SFXN4: variants seen among roughly 807,000 people sequenced by gnomAD.
The protein encoded by SFXN4 is sideroflexin-4.
Under a neutral mutation model 54.6 loss-of-function variants are expected in SFXN4, and 48 were observed. The ratio of observed to expected loss-of-function variants is 0.88; its 90% CI spans 0.70 to 1.12. The LOEUF is 1.12. Among genes scored for constraint, SFXN4 ranks in the 50% most tolerant of loss-of-function variants. The probability of loss-of-function intolerance (pLI) is 0.00; values close to 1 mark genes in which losing one functional copy is unlikely to be tolerated. For synonymous variants in SFXN4, 130 were observed against 145.5 expected, an observed-to-expected ratio of 0.89 and a Z score of 0.77; for missense variants, 383 against 409.2, an observed-to-expected ratio of 0.94 and a Z score of 0.55.
chr10:119,147,536 C>T (rs1389548260), intron 12 of SFXN4, among the ~76,000 whole-genome samples: 4 of 152,114 alleles, frequency 2.6e-5, no homozygotes, highest in Non-Finnish European at 4.4e-5. Flanking sequence ...TCCTTCGACA[C>T]GCCAAGGACA....
chr10:119,162,551 C>T, intron 2 of SFXN4, 137 bp from the exon 3 acceptor site: 1 of 679,848 alleles, frequency 1.5e-6, no homozygotes. Context: ...ACATGGTGCC[C>T]TAGGCTCTCT....
chr10:119,147,575 G>A (rs1259510086), intron 12 of SFXN4, among the ~76,000 whole-genome samples, 200 bp downstream of exon 12: 1 of 152,146 alleles, frequency 6.6e-6, no homozygotes, highest in East Asian at 1.9e-4. Context: ...AGCCTGGGCT[G>A]GATTCCCCAT....
chr10:119,143,898 G>T (rs181535844), intron 13 of SFXN4, among the ~76,000 whole-genome samples: 1 of 152,250 alleles, frequency 6.6e-6, no homozygotes, highest in Non-Finnish European at 1.5e-5. Flanking sequence ...TTACAGACAT[G>T]AGCCACCGTG....
chr10:119,147,353 C>T (rs944653595), intron 12 of SFXN4, among the ~76,000 whole-genome samples: 25 of 152,320 alleles, frequency 1.6e-4, no homozygotes, highest in Admixed American at 1.5e-3. Context: ...CCATTTCTGG[C>T]TTCTTAAAAG....
intron 5 of SFXN4, 72 bp downstream of exon 5, chr10:119,160,843 G>C: frequency 1.3e-6 from 2 of 1,489,640 alleles, no homozygotes; most frequent in Non-Finnish European, 1.9e-6. Context: ...CAGGTGATCC[G>C]GCAGGCAGAG....
chr10:119,144,025 T>C (rs1249503664), intron 13 of SFXN4, among the ~76,000 whole-genome samples: 2 of 152,166 alleles, frequency 1.3e-5, no homozygotes, highest in East Asian at 3.8e-4. Flanking sequence ...GCTGGCAAAG[T>C]TGCTTGAATG....
rs201378877 is a variant in SFXN4, at chr10:119,141,333, A to C, written c.937-14T>G. 1 of 1,490,832 alleles carries C rather than the reference A, an allele frequency of 6.7e-7. No homozygotes were observed. Among genetic ancestry groups the C allele is most frequent in the African/African-American group, 1.4e-5 (1 of 71,284 alleles). The allele number at this position is 1,490,832 out of a possible 1,614,324, so 92.4% of individuals were successfully genotyped here. On this transcript the variant is annotated splice_polypyrimidine_tract_variant and intron_variant, in intron 13 of 13. Coordinates refer to ENST00000355697, the MANE Select transcript of SFXN4 (RefSeq NM_213649.2). The stretch of plus-strand genomic sequence containing the variant: ...ACAGTACTGTATCTGAAAAATAGTT[A>C]AATTCATAATGTTTCTATTAATAGT...
intron 13 of SFXN4, among the ~76,000 whole-genome samples, chr10:119,145,919 C>T (rs1381772071): frequency 6.6e-6 from 1 of 152,066 alleles, no homozygotes; most frequent in African/African-American, 2.4e-5. Flanking sequence ...ATCTCCTGGG[C>T]CCAGGTGATC....
At chr10:119,142,457 T>A (rs1366076050) in intron 13 of SFXN4, among the ~76,000 whole-genome samples, 1 of 152,050 alleles carries the variant, frequency 6.6e-6, no homozygotes, top group Non-Finnish European at 1.5e-5. Flanking sequence ...AACTACTATG[T>A]CATTGTCACA....
At chr10:119,160,790 G>A in intron 5 of SFXN4, 125 bp downstream of exon 5, 1 of 927,604 alleles carries the variant, frequency 1.1e-6, no homozygotes, top group Non-Finnish European at 1.8e-6. Context: ...AGTAGAGACG[G>A]GGTTTCACCA....
chr10:119,143,028 G>A (rs11816612), intron 13 of SFXN4, among the ~76,000 whole-genome samples: 2,831 of 152,014 alleles, frequency 0.019, 80 homozygotes, highest in African/African-American at 0.064. Flanking sequence ...CACCACGCCC[G>A]GCCCCAACAG....
chr10:119,165,271 C>T (rs1847721543), intron 1 of SFXN4: 4 of 1,190,868 alleles, frequency 3.4e-6, no homozygotes, highest in Non-Finnish European at 4.2e-6. Context: ...GAGCAGCCAC[C>T]TGCGCGGACT....
At chr10:119,159,696 A>T (rs1238858126) in intron 6 of SFXN4, 32 bp downstream of exon 6, 1 of 1,612,368 alleles carries the variant, frequency 6.2e-7, no homozygotes, top group East Asian at 2.2e-5. Flanking sequence ...CCAAGCCCCT[A>T]GTCTCCTAAC....
intron 13 of SFXN4, among the ~76,000 whole-genome samples, chr10:119,145,347 T>C (rs1484381943): frequency 2.0e-5 from 3 of 146,756 alleles, no homozygotes; most frequent in Non-Finnish European, 3.0e-5. Flanking sequence ...AGAGTCTCAC[T>C]CTGTCACCCA....
chr10:119,164,135 G>T lies in SFXN4; in HGVS notation c.173C>A (p.Ser58Ter). 6.4e-7 allele frequency: 1 copy of T among 1,562,246 alleles called. No homozygotes were observed. The highest frequency in any genetic ancestry group is 1.2e-5 in the South Asian group (1 of 85,836). ...AGCTCTGAAAACAATACTTACAACTGAAATGAACACATTTGTAGGATCTAA... is the reference window on the plus strand; with the variant it reads ...AGCTCTGAAAACAATACTTACAACTTAAATGAACACATTTGTAGGATCTAA... ...ELLDPTNVFI[S>*]VESIENSRQL... is the part of the protein sequence containing the mutation. The change falls in exon 2 of 14, where the codon TCA becomes TAA. Residue 58 changes from serine to a stop codon, truncating the protein, a stop_gained. Coordinates refer to ENST00000355697, the MANE Select transcript of SFXN4 (RefSeq NM_213649.2). LOFTEE classifies it high-confidence loss of function.
chr10:119,156,956 G>C (rs1332025035), intron 9 of SFXN4, among the ~76,000 whole-genome samples, 200 bp from the exon 10 acceptor site: 1 of 152,128 alleles, frequency 6.6e-6, no homozygotes, highest in African/African-American at 2.4e-5. Flanking sequence ...CTTAGAGAGA[G>C]GTATGGAAGC....
intron 10 of SFXN4, 94 bp downstream of exon 10, chr10:119,156,584 G>T: frequency 1.0e-6 from 1 of 980,686 alleles, no homozygotes; most frequent in Non-Finnish European, 1.6e-6. Flanking sequence ...GTCACAATGT[G>T]CCAAGGGAGC....
At position 119,141,507 on chromosome 10, in the gene SFXN4, CT is replaced by C. The variant is rs1234472904; in HGVS notation, c.937-189del. On this transcript the variant is annotated intron_variant, in intron 13 of 13. Transcript: ENST00000355697. ...CCAAGCAGTAAAGAAACTTCTTAAACTTTTTTTTTTTTTTTTTTTTTGAGAC... is the reference window on the plus strand; with the variant it reads ...CCAAGCAGTAAAGAAACTTCTTAAACTTTTTTTTTTTTTTTTTTTTGAGAC... 0.022 allele frequency among the ~76,000 whole-genome samples: 2,471 copies of C among 113,326 alleles called. 48 individuals are homozygous for C. The highest frequency in any genetic ancestry group is 0.08 in the African/African-American group (2,234 of 27,888). 74.3% of individuals were successfully genotyped at this position (113,326 alleles called of 152,430 possible).
chr10:119,149,241 G>T (rs547178152), intron 11 of SFXN4, among the ~76,000 whole-genome samples: 5 of 152,212 alleles, frequency 3.3e-5, no homozygotes, highest in African/African-American at 1.2e-4. Flanking sequence ...AGGCACACCT[G>T]CGCCCGTCCT....
Sources: allele counts gnomAD v4.1 joint callset (sites outside exome capture counted in the v4.1 genomes callset), GRCh38; gene constraint gnomAD v4.1.1; transcripts MANE v1.5; gene names NCBI Gene and HGNC (gene_info 2026-07-23, HGNC 2026-07-21).